The following FAAH variants were observed in gnomAD, a reference collection of about 807,000 sequenced individuals.
The protein encoded by FAAH is fatty-acid amide hydrolase 1.
In FAAH, 63 loss-of-function variants were observed where a neutral mutation model predicts 69.7. The ratio of observed to expected loss-of-function variants is 0.90; its 90% confidence interval spans 0.74 to 1.12. The LOEUF is 1.12. Among genes scored for constraint, FAAH ranks in the 50% most tolerant of loss-of-function variants. FAAH has a pLI of 0.00. For missense variants in FAAH, 680 were observed against 755.0 expected (o/e 0.90, Z 1.16); for synonymous variants, 305 against 324.2 (o/e 0.94, Z 0.64).
chr1:46,394,476 G>T lies in FAAH; in HGVS notation c.128G>T (p.Arg43Leu), dbSNP rs1219884311. ...GRRTARGAVV[R>L]ARQRQRAGLE... ...CGGACGGCGCGGGGCGCGGTGGTCCGGGCGCGACAGAGGCAGCGAGCGGGC... is the reference window on the plus strand; with the variant it reads ...CGGACGGCGCGGGGCGCGGTGGTCCTGGCGCGACAGAGGCAGCGAGCGGGC... The change falls in exon 1 of 15, where the codon CGG (arginine) becomes CTG (leucine). Residue 43 changes from arginine to leucine, a missense_variant. By Grantham distance (102) the Arg-to-Leu change is moderately radical. Coordinates refer to ENST00000243167, the MANE Select transcript of FAAH (RefSeq NM_001441.3). The T allele has an allele frequency of 7.2e-7, 1 of 1,391,016 alleles. No homozygotes were observed. The highest frequency in any genetic ancestry group is 9.3e-7 in the Non-Finnish European group (1 of 1,078,674). 86.2% of individuals were successfully genotyped at this position (1,391,016 alleles called of 1,614,324 possible).
At position 46,413,782 on chromosome 1, in the gene FAAH, C is replaced by G. The variant is rs1273500293; in HGVS notation, c.*207C>G. The G allele has an allele frequency of 7.5e-6, 5 of 662,946 alleles. No homozygotes were observed. Among genetic ancestry groups the G allele is most frequent in the African/African-American group, 5.4e-5 (3 of 55,540 alleles). The allele number at this position is 662,946 out of a possible 1,614,324, so 41.1% of individuals were successfully genotyped here. On this transcript the variant is annotated 3_prime_UTR_variant, in exon 15 of 15. Coordinates refer to ENST00000243167, the MANE Select transcript of FAAH (RefSeq NM_001441.3). Reference sequence around the variant, plus strand: ...GTCCCCTCTCTTCGTCCTGATCCCTCCACCCCCATGTGGCAGCCCATGGGT... The same window carrying G: ...GTCCCCTCTCTTCGTCCTGATCCCTGCACCCCCATGTGGCAGCCCATGGGT...
chr1:46,413,434 G>C lies in FAAH; in HGVS notation c.1612-13G>C. 1.2e-6 allele frequency: 2 copies of C among 1,614,114 alleles called. No homozygotes were observed. Among genetic ancestry groups the C allele is most frequent in the Non-Finnish European group, 1.7e-6 (2 of 1,179,986 alleles). ...CCTTGCTAACCCTATCCTGATGCCT[G>C]TATCCCCTATAGGGCATGAAGAAGA... is the stretch of plus-strand genomic sequence containing the variant. On this transcript the variant is annotated splice_polypyrimidine_tract_variant and intron_variant, in intron 14 of 14. Coordinates refer to ENST00000243167, the MANE Select transcript of FAAH (RefSeq NM_001441.3).
chr1:46,394,683 G>A, intron 1 of FAAH, 140 bp downstream of exon 1: 1 of 761,740 alleles, frequency 1.3e-6, no homozygotes. Flanking sequence ...CTTGCCCTAA[G>A]ATATTCCGCA....
intron 1 of FAAH, among the ~76,000 whole-genome samples, chr1:46,401,622 C>T (rs976347725): frequency 1.1e-4 from 17 of 152,106 alleles, no homozygotes; most frequent in Middle Eastern, 6.3e-3. Context: ...CAAGAAGGCA[C>T]CTCTCTCTCA....
intron 13 of FAAH, among the ~76,000 whole-genome samples, chr1:46,412,703 C>T (rs1028459124): frequency 6.6e-6 from 1 of 151,542 alleles, no homozygotes; most frequent in African/African-American, 2.4e-5. Flanking sequence ...CCTGGCTACT[C>T]GGGGGGCTGA....
chr1:46,406,082 AG>A lies in FAAH; in HGVS notation c.826+6del. ...TGTGTCTATGGACAGGAGGCAGGTGAGGTCCGTGGTGCTCTCAGTGCCCCGA... is the reference window on the plus strand; with the variant it reads ...TGTGTCTATGGACAGGAGGCAGGTGAGTCCGTGGTGCTCTCAGTGCCCCGA... On this transcript the variant is annotated splice_donor_5th_base_variant and intron_variant, in intron 6 of 14. Transcript: ENST00000243167. The A allele has an allele frequency of 6.2e-7, 1 of 1,614,112 alleles. No homozygotes were observed. Among genetic ancestry groups the A allele is most frequent in the Non-Finnish European group, 8.5e-7 (1 of 1,180,014 alleles).
intron 1 of FAAH, among the ~76,000 whole-genome samples, chr1:46,398,095 G>T (rs1483670893): frequency 6.6e-6 from 1 of 151,826 alleles, no homozygotes; most frequent in Non-Finnish European, 1.5e-5. Flanking sequence ...CACCATGCCC[G>T]GCTAATTTTT....
rs1229262924 is a variant in FAAH, at chr1:46,402,180, C to T, written c.285C>T (p.Ala95=). The part of the protein sequence containing the change: ...KLHSRELAPE[A]VLFTYVGKAW... ...ACAGTAGAGAGCTGGCCCCTGAGGC[C>T]GTGCTCTTCACCTATGTGGGAAAGG... The change falls in exon 2 of 15, where the codon GCC becomes GCT. Residue 95 remains alanine, a synonymous_variant. Coordinates refer to ENST00000243167, the MANE Select transcript of FAAH (RefSeq NM_001441.3). 6 of 1,605,482 alleles carry T rather than the reference C, an allele frequency of 3.7e-6. No homozygotes were observed. The highest frequency in any genetic ancestry group is 1.1e-5 in the South Asian group (1 of 89,440).
intron 1 of FAAH, among the ~76,000 whole-genome samples, chr1:46,396,710 T>C (rs1227067477): frequency 1.3e-5 from 2 of 152,174 alleles, no homozygotes; most frequent in Non-Finnish European, 2.9e-5. Context: ...GAGCATAGGG[T>C]TGGGGCTAGG....
Position 46,404,244 on chromosome 1 carries a change from G to A in FAAH, c.310-770G>A, listed in dbSNP as rs894261192. On this transcript the variant is annotated intron_variant, in intron 2 of 14. Coordinates refer to ENST00000243167, the MANE Select transcript of FAAH (RefSeq NM_001441.3). The surrounding 1 kb of genome is among the most constrained non-coding windows in gnomAD (Gnocchi z 4.5). ...GATTAGCCTTCTCTGTTCCTGCCTC[G>A]GGTACCCCGGGGACAGATTTTGCAC... is the stretch of plus-strand genomic sequence containing the variant. Among the ~76,000 whole-genome samples the A allele has an allele frequency of 3.9e-5, 6 of 152,102 alleles. No homozygotes were observed. The highest frequency in any genetic ancestry group is 8.8e-5 in the Non-Finnish European group (6 of 68,024).
chr1:46,412,774 G>A (rs1557762533), intron 13 of FAAH, among the ~76,000 whole-genome samples: 1 of 152,188 alleles, frequency 6.6e-6, no homozygotes, highest in Non-Finnish European at 1.5e-5. Flanking sequence ...TCACACCACT[G>A]CACTCCAGCC....
intron 1 of FAAH, among the ~76,000 whole-genome samples, chr1:46,397,118 C>A (rs1664610759): frequency 6.6e-6 from 1 of 152,222 alleles, no homozygotes; most frequent in Non-Finnish European, 1.5e-5. Context: ...CGCTGGAGGT[C>A]CTCCTTAGAG....
chr1:46,407,564 T>C (rs1333203337), intron 7 of FAAH, among the ~76,000 whole-genome samples: 1 of 152,038 alleles, frequency 6.6e-6, no homozygotes, highest in African/African-American at 2.4e-5. Flanking sequence ...TTTGCTCTCT[T>C]GAGTGTTCTG....
intron 1 of FAAH, among the ~76,000 whole-genome samples, chr1:46,395,296 G>A (rs554177742): frequency 6.6e-6 from 1 of 152,358 alleles, no homozygotes; most frequent in East Asian, 1.9e-4. Flanking sequence ...AACCTGCCAA[G>A]TGCACAGGGA....
In FAAH at chr1:46,412,271, C is replaced by G; in HGVS notation, c.1465+20C>G. Reference sequence around the variant, plus strand: ...CCACAGGTGAGGCCCGACACCCTGCCTGTCCCTTCTGTGAATCTGGCCATG... The same window carrying G: ...CCACAGGTGAGGCCCGACACCCTGCGTGTCCCTTCTGTGAATCTGGCCATG... On this transcript the variant is annotated intron_variant, in intron 13 of 14. Coordinates refer to ENST00000243167, the MANE Select transcript of FAAH (RefSeq NM_001441.3). 6.5e-7 allele frequency: 1 copy of G among 1,534,720 alleles called. No homozygotes were observed. The highest frequency in any genetic ancestry group is 1.8e-4 in the Middle Eastern group (1 of 5,706).
rs199940877 is a variant in FAAH at position 46,413,610 on chromosome 1, C to G, written c.*35C>G. The G allele has an allele frequency of 2.5e-6, 4 of 1,613,646 alleles. No individual in the cohort carries two copies. Among genetic ancestry groups the G allele is most frequent in the African/African-American group, 2.7e-5 (2 of 74,888 alleles). On this transcript the variant is annotated 3_prime_UTR_variant, in exon 15 of 15. Transcript: ENST00000243167. ...CTCCAGAGGACCTGAGACTCACACTCTCTGCAGCCCAGCCTAGTCAGGGCA... is the reference window on the plus strand; with the variant it reads ...CTCCAGAGGACCTGAGACTCACACTGTCTGCAGCCCAGCCTAGTCAGGGCA...
At chr1:46,397,772 T>G (rs559427153) in intron 1 of FAAH, among the ~76,000 whole-genome samples, 1 of 151,054 alleles carries the variant, frequency 6.6e-6, no homozygotes, top group East Asian at 2.0e-4. Flanking sequence ...ATGTTGGCCA[T>G]GGCTGGCCTC....
rs938307705 is a variant in FAAH at position 46,404,220 on chromosome 1, A to T, written c.310-794A>T. ...TAGTTAATCTAGTCTATCTGGTTAGATTAGCCTTCTCTGTTCCTGCCTCGG... is the reference window on the plus strand; with the variant it reads ...TAGTTAATCTAGTCTATCTGGTTAGTTTAGCCTTCTCTGTTCCTGCCTCGG... On this transcript the variant is annotated intron_variant, in intron 2 of 14. Transcript: ENST00000243167. This position sits in a 1 kb window ranked among gnomAD's most constrained non-coding sequence, Gnocchi z 4.5. Among the ~76,000 whole-genome samples the T allele has an allele frequency of 6.6e-6, 1 of 152,166 alleles. No individual in the cohort carries two copies. The highest frequency in any genetic ancestry group is 2.4e-5 in the African/African-American group (1 of 41,440).
chr1:46,395,696 A>AAAATTGTGTTCAGC (rs1446876809), intron 1 of FAAH, among the ~76,000 whole-genome samples: 14 of 152,316 alleles, frequency 9.2e-5, no homozygotes, highest in South Asian at 2.1e-4. Flanking sequence ...AGAGTCACAG[A>AAAATTGTGTTCAGC]AAATTGTGTT....
Sources: allele counts gnomAD v4.1 joint callset (sites outside exome capture counted in the v4.1 genomes callset), GRCh38; gene constraint gnomAD v4.1.1; non-coding constraint Gnocchi (gnomAD v3.1); transcripts MANE v1.5; gene names NCBI Gene and HGNC (gene_info 2026-07-23, HGNC 2026-07-21).